TTC29: variants seen among roughly 807,000 people sequenced by gnomAD.
TTC29 encodes the protein tetratricopeptide repeat protein 29.
Under a neutral mutation model 58.1 loss-of-function variants are expected in TTC29, and 49 were observed. The ratio of observed to expected loss-of-function variants is 0.84; its 90% confidence interval spans 0.67 to 1.07. The LOEUF (loss-of-function observed/expected upper bound fraction) is 1.07, where lower values mean the gene tolerates loss of function less well. Among genes scored for constraint, TTC29 ranks in the 50% least tolerant of loss-of-function variants. The pLI, the probability that TTC29 is intolerant of heterozygous loss-of-function variation, is 0.00. For missense variants in TTC29, 582 were observed against 555.6 expected (o/e 1.05, Z -0.48); for synonymous variants, 209 against 196.8 (o/e 1.06, Z -0.52).
rs903344023 is a variant in TTC29, at chr4:146,755,691, T to A, written c.1330+47766A>T. Among the ~76,000 whole-genome samples the A allele has an allele frequency of 5.3e-5, 8 of 150,514 alleles. No homozygotes were observed. In the East Asian group the frequency reaches 1.3e-3, roughly 25 times the overall value. On this transcript the variant is annotated intron_variant, in intron 11 of 12. Transcript: ENST00000325106. ...TTGGCTTCATGATAGTAACTTTTTT[T>A]AACTATATATATATATATCCCACAA...
intron 9 of TTC29, among the ~76,000 whole-genome samples, chr4:146,822,789 T>C (rs1579760803): frequency 6.6e-6 from 1 of 152,344 alleles, no homozygotes; most frequent in East Asian, 1.9e-4. Flanking sequence ...TTTTTAATAG[T>C]TGTCATTCTG....
At position 146,819,691 on chromosome 4, in the gene TTC29, C is replaced by T. The variant is rs766594908; in HGVS notation, c.1101+434G>A. On this transcript the variant is annotated intron_variant, in intron 10 of 12. Coordinates refer to ENST00000325106, the MANE Select transcript of TTC29 (RefSeq NM_031956.4). ...TCTGCAGAATTATTTTTAGGATTGT[C>T]GTTTCTTCTTCTAAGGAAACTAGCA... Among the ~76,000 whole-genome samples, 7 of 152,042 alleles carry T rather than the reference C, an allele frequency of 4.6e-5. No individual in the cohort carries two copies. In the East Asian group the frequency reaches 7.7e-4, roughly 17 times the overall value.
At chr4:146,890,579 G>T (rs886318163) in intron 6 of TTC29, among the ~76,000 whole-genome samples, 1 of 152,204 alleles carries the variant, frequency 6.6e-6, no homozygotes, top group African/African-American at 2.4e-5. Flanking sequence ...AGAGGAGACA[G>T]GGCCAAAGAC....
chr4:146,848,629 G>A (rs1207847268), intron 8 of TTC29, among the ~76,000 whole-genome samples: 2 of 152,140 alleles, frequency 1.3e-5, no homozygotes, highest in Non-Finnish European at 2.9e-5. Context: ...GTAAGCTTTA[G>A]GTTTTATAGC....
At chr4:146,882,764 G>GA (rs1731719648) in intron 6 of TTC29, among the ~76,000 whole-genome samples, 2 of 152,078 alleles carry the variant, frequency 1.3e-5, no homozygotes, top group African/African-American at 4.8e-5. Flanking sequence ...GGAGAGTGAG[G>GA]AGAGTTAACT....
At chr4:146,814,912 A>G (rs1224230914) in intron 10 of TTC29, among the ~76,000 whole-genome samples, 1 of 152,094 alleles carries the variant, frequency 6.6e-6, no homozygotes, top group African/African-American at 2.4e-5. Flanking sequence ...CTAAGGCAGG[A>G]ACTAGCTTAA....
At chr4:146,743,992 C>A (rs536456237) in intron 11 of TTC29, among the ~76,000 whole-genome samples, 3 of 152,234 alleles carry the variant, frequency 2.0e-5, no homozygotes, top group Non-Finnish European at 4.4e-5. Context: ...GAGCAAATGC[C>A]AGCAAACCTA....
intron 11 of TTC29, among the ~76,000 whole-genome samples, chr4:146,729,461 A>G (rs998132245): frequency 6.6e-6 from 1 of 152,082 alleles, no homozygotes. Context: ...CTTGTTTATC[A>G]TATATTTTGT....
chr4:146,914,985 A>G (rs764450904), intron 4 of TTC29, among the ~76,000 whole-genome samples: 1 of 152,166 alleles, frequency 6.6e-6, no homozygotes. Context: ...AACTATTTTG[A>G]ATAGCTACTA....
At chr4:146,828,167 G>GA (rs772778133) in intron 9 of TTC29, among the ~76,000 whole-genome samples, 4 of 152,044 alleles carry the variant, frequency 2.6e-5, no homozygotes, top group Non-Finnish European at 4.4e-5. Flanking sequence ...CAATTCTCCA[G>GA]AAAAATCATG....
rs947178559 is a variant in TTC29, at chr4:146,717,792, CATT to C, written c.1331-10244_1331-10242del. 7.2e-5 allele frequency among the ~76,000 whole-genome samples: 11 copies of C among 152,132 alleles called. No homozygotes were observed. The East Asian group carries it at 2.1e-3, about 29-fold the overall frequency. On this transcript the variant is annotated intron_variant, in intron 11 of 12. Transcript: ENST00000325106. ...CTTAGAGATTCTGAAATGTACAATA[CATT>C]ATTACTGACTATATTTACCATGATG...
Position 146,867,481 on chromosome 4 carries a change from T to C in TTC29, c.885+17A>G, listed in dbSNP as rs769268747. On this transcript the variant is annotated intron_variant, in intron 8 of 12. Transcript: ENST00000325106. ...AAATAAAAATTAAAAATGGCAGTGA[T>C]TAAAAGTTTAGCTTACTGTTAATGC... 7.5e-7 allele frequency: 1 copy of C among 1,340,982 alleles called. No homozygotes were observed. The allele number at this position is 1,340,982 out of a possible 1,614,324, so 83.1% of individuals were successfully genotyped here. A position where few individuals can be genotyped will look rare whatever the true frequency, so the allele number is the denominator to read the frequency against.
rs186686625 is a variant in TTC29 at position 146,855,992 on chromosome 4, C to A, written c.885+11506G>T. Among the ~76,000 whole-genome samples the A allele has an allele frequency of 8.2e-4, 125 of 152,290 alleles. 2 individuals are homozygous for A. The highest frequency in any genetic ancestry group is 2.4e-3 in the African/African-American group (100 of 41,562). On this transcript the variant is annotated intron_variant, in intron 8 of 12. Transcript: ENST00000325106. ...CTGTGCGTTGCCTCTAGGTCTGTCACAAAATTAGTCTTGTGATGAACTATG... is the reference window on the plus strand; with the variant it reads ...CTGTGCGTTGCCTCTAGGTCTGTCAAAAAATTAGTCTTGTGATGAACTATG...
chr4:146,837,072 T>C (rs537412909), intron 8 of TTC29, among the ~76,000 whole-genome samples: 1 of 152,168 alleles, frequency 6.6e-6, no homozygotes, highest in South Asian at 2.1e-4. Flanking sequence ...CTATTCACAA[T>C]AGCCAAGACA....
chr4:146,900,927 T>C (rs987452475), intron 6 of TTC29, among the ~76,000 whole-genome samples: 5 of 152,242 alleles, frequency 3.3e-5, no homozygotes, highest in Admixed American at 6.5e-5. Context: ...AATACACTTA[T>C]GACAGCTATC....
chr4:146,769,036 C>G (rs1747527935), intron 11 of TTC29, among the ~76,000 whole-genome samples: 1 of 151,970 alleles, frequency 6.6e-6, no homozygotes, highest in Non-Finnish European at 1.5e-5. Context: ...GCATTGGGCT[C>G]TCTTATTCAA....
At chr4:146,944,971 T>TA (rs1372008708) in intron 2 of TTC29, 60 bp downstream of exon 2, 1 of 152,158 alleles carries the variant, frequency 6.6e-6, no homozygotes, top group Non-Finnish European at 1.5e-5. Context: ...CATTGATGGC[T>TA]AAATCACAAA....
chr4:146,721,220 A>G (rs1411293950), intron 11 of TTC29, among the ~76,000 whole-genome samples: 3 of 152,156 alleles, frequency 2.0e-5, no homozygotes. Flanking sequence ...CTGGGTTTCC[A>G]TGGTAGGACT....
chr4:146,838,414 ATATC>A (rs1207184038), intron 8 of TTC29, among the ~76,000 whole-genome samples: 4 of 151,886 alleles, frequency 2.6e-5, no homozygotes, highest in Non-Finnish European at 5.9e-5. Context: ...AAAAAATAGA[ATATC>A]TATCTGTCTT....
Sources: gnomAD v4.1 joint callset for allele counts (sites outside exome capture counted in the v4.1 genomes callset) on GRCh38, gnomAD v4.1.1 for gene constraint, MANE v1.5 for transcripts, NCBI Gene and HGNC (gene_info 2026-07-23, HGNC 2026-07-21) for gene names.